Variants in BRINP3 observed in about 807,000 individuals in gnomAD.
BRINP3 encodes the protein BMP/retinoic acid inducible neural specific 3, also known as BMP/retinoic acid-inducible neural-specific protein 3.
BRINP3 carries 19 observed loss-of-function variants against 71.0 expected under a neutral mutation model. The observed-to-expected ratio is 0.27, with a 90% CI of 0.19 to 0.39. BRINP3 has a LOEUF of 0.39. BRINP3 is among the 10% of genes least tolerant of loss of function. The pLI is 1.00. For synonymous variants in BRINP3, 380 were observed against 337.7 expected, an observed-to-expected ratio of 1.13 and a Z score of -1.37; for missense variants, 959 against 940.8, an observed-to-expected ratio of 1.02 and a Z score of -0.25.
At chr1:190,222,188 A>G (rs1210428015) in intron 6 of BRINP3, among the ~76,000 whole-genome samples, 2 of 152,028 alleles carry the variant, frequency 1.3e-5, no homozygotes, top group East Asian at 3.9e-4. Flanking sequence ...GTCTGAATAA[A>G]TTAAAAAATA....
intron 1 of BRINP3, among the ~76,000 whole-genome samples, chr1:190,455,597 C>A (rs1409855450): frequency 6.6e-6 from 1 of 151,682 alleles, no homozygotes; most frequent in East Asian, 1.9e-4. Context: ...GGAGTAATGT[C>A]TTTTCCCAGA....
At chr1:190,282,935 G>A (rs1021282526) in intron 2 of BRINP3, among the ~76,000 whole-genome samples, 2 of 151,928 alleles carry the variant, frequency 1.3e-5, no homozygotes, top group African/African-American at 4.8e-5. Context: ...TAGGCAATAT[G>A]TGAAAAAATA....
At chr1:190,202,516 C>T (rs866999470) in intron 6 of BRINP3, among the ~76,000 whole-genome samples, 3 of 151,998 alleles carry the variant, frequency 2.0e-5, no homozygotes, top group East Asian at 1.9e-4. Context: ...TGAAGATACA[C>T]GATTTGGGAG....
Position 190,477,490 on chromosome 1 carries a change from A to C in BRINP3, c.-93T>G, listed in dbSNP as rs1156893110. 1.3e-5 allele frequency: 2 copies of C among 152,260 alleles called. No individual in the cohort carries two copies. Among genetic ancestry groups the C allele is most frequent in the Non-Finnish European group, 2.9e-5 (2 of 68,056 alleles). The allele number at this position is 152,260 out of a possible 1,614,324, so 9.4% of individuals were successfully genotyped here. A position where few individuals can be genotyped will look rare whatever the true frequency, so the allele number is the denominator to read the frequency against. Reference sequence around the variant, plus strand: ...AGCAAGAAGACTGTGAGAAAAATACATCCAGGATTCAAATAGATATTCCAT... The same window carrying C: ...AGCAAGAAGACTGTGAGAAAAATACCTCCAGGATTCAAATAGATATTCCAT... On this transcript the variant is annotated 5_prime_UTR_variant, in exon 1 of 8. It removes an upstream start codon present in the reference 5' UTR. Transcript: ENST00000367462.
intron 2 of BRINP3, among the ~76,000 whole-genome samples, chr1:190,437,752 T>C (rs1674559096): frequency 6.6e-6 from 1 of 151,780 alleles, no homozygotes; most frequent in Admixed American, 6.6e-5. Context: ...TGGTATATAT[T>C]TTAACTGTTA....
intron 6 of BRINP3, among the ~76,000 whole-genome samples, chr1:190,222,144 C>T (rs540521405): frequency 2.6e-5 from 4 of 152,006 alleles, no homozygotes; most frequent in Non-Finnish European, 4.4e-5. Context: ...ATGGAACATT[C>T]TTCAGAATAG....
At chr1:190,167,698 T>C (rs1168008551) in intron 6 of BRINP3, among the ~76,000 whole-genome samples, 1 of 152,122 alleles carries the variant, frequency 6.6e-6, no homozygotes, top group Non-Finnish European at 1.5e-5. Context: ...ACCTCGGAAC[T>C]GAAGGGTAGA....
At chr1:190,159,502 G>A (rs879832484) in intron 7 of BRINP3, among the ~76,000 whole-genome samples, 1 of 151,954 alleles carries the variant, frequency 6.6e-6, no homozygotes, top group African/African-American at 2.4e-5. Context: ...AACAATATGT[G>A]GTATACCCAT....
intron 4 of BRINP3, among the ~76,000 whole-genome samples, chr1:190,256,640 T>C (rs1354468570): frequency 2.0e-5 from 3 of 152,192 alleles, no homozygotes; most frequent in Non-Finnish European, 4.4e-5. Context: ...TTCCATTCCA[T>C]GTTTAGTGCT....
At chr1:190,418,344 C>G (rs1673139979) in intron 2 of BRINP3, among the ~76,000 whole-genome samples, 2 of 152,164 alleles carry the variant, frequency 1.3e-5, no homozygotes, top group Admixed American at 1.3e-4. Flanking sequence ...AGCCACTGCC[C>G]AGCCTTCTTA....
intron 1 of BRINP3, among the ~76,000 whole-genome samples, chr1:190,461,073 T>C (rs1042310001): frequency 5.3e-5 from 8 of 152,218 alleles, no homozygotes; most frequent in Admixed American, 6.5e-5. Context: ...AAGTTAAATC[T>C]GAACATGCAA....
chr1:190,252,112 T>A (rs1660203968), intron 4 of BRINP3, among the ~76,000 whole-genome samples: 1 of 152,036 alleles, frequency 6.6e-6, no homozygotes, highest in South Asian at 2.1e-4. Context: ...AGAACCTTTA[T>A]TACTGGCAGC....
intron 2 of BRINP3, among the ~76,000 whole-genome samples, chr1:190,332,831 G>T (rs1667054416): frequency 6.6e-6 from 1 of 151,912 alleles, no homozygotes; most frequent in Non-Finnish European, 1.5e-5. Flanking sequence ...TTTGTTTCCT[G>T]ATTTAGAAAG....
chr1:190,436,965 C>T (rs889750015), intron 2 of BRINP3, among the ~76,000 whole-genome samples: 3 of 151,668 alleles, frequency 2.0e-5, no homozygotes, highest in Non-Finnish European at 3.0e-5. Flanking sequence ...GATACATAAG[C>T]GATTACAATA....
At position 190,174,319 on chromosome 1, in the gene BRINP3, G is replaced by A. The variant is rs530204069; in HGVS notation, c.962-13429C>T. Among the ~76,000 whole-genome samples the A allele has an allele frequency of 8.5e-5, 13 of 152,092 alleles. No individual in the cohort carries two copies. In the East Asian group the frequency reaches 2.5e-3, roughly 29 times the overall value. ...ATTAATGTGTCTTATTTTCCACTATGTAGTTATTCTCTGTGGAAAGTAATA... is the reference window on the plus strand; with the variant it reads ...ATTAATGTGTCTTATTTTCCACTATATAGTTATTCTCTGTGGAAAGTAATA... On this transcript the variant is annotated intron_variant, in intron 6 of 7. Transcript: ENST00000367462.
Position 190,221,296 on chromosome 1 carries a change from T to C in BRINP3, c.961+4786A>G, listed in dbSNP as rs574709473. Reference sequence around the variant, plus strand: ...GGTGAGTGGAGTTAAAGTGTAAAATTTTTTGTGTGCTTTTTGTCTTTGTTG... The same window carrying C: ...GGTGAGTGGAGTTAAAGTGTAAAATCTTTTGTGTGCTTTTTGTCTTTGTTG... On this transcript the variant is annotated intron_variant, in intron 6 of 7. Coordinates refer to ENST00000367462, the MANE Select transcript of BRINP3 (RefSeq NM_199051.3). 2.0e-5 allele frequency among the ~76,000 whole-genome samples: 3 copies of C among 152,236 alleles called. No homozygotes were observed. The South Asian group carries it at 6.2e-4, about 32-fold the overall frequency.
chr1:190,437,977 G>T (rs558572084), intron 2 of BRINP3, among the ~76,000 whole-genome samples: 46 of 151,088 alleles, frequency 3.0e-4, no homozygotes, highest in Non-Finnish European at 8.9e-5. Context: ...AATATCAGTG[G>T]GTTATATTTA....
intron 2 of BRINP3, among the ~76,000 whole-genome samples, chr1:190,408,412 A>G (rs976477096): frequency 1.3e-5 from 2 of 151,954 alleles, no homozygotes; most frequent in Non-Finnish European, 2.9e-5. Context: ...TTTTTTTTCA[A>G]AACGATTTTC....
chr1:190,283,115 A>G (rs1312966634), intron 2 of BRINP3, among the ~76,000 whole-genome samples: 4 of 152,028 alleles, frequency 2.6e-5, no homozygotes, highest in African/African-American at 4.8e-5. Flanking sequence ...CACTAATTAT[A>G]TGATCAGAAT....
Sources: gnomAD v4.1 joint callset for allele counts (sites outside exome capture counted in the v4.1 genomes callset) on GRCh38, gnomAD v4.1.1 for gene constraint, MANE v1.5 for transcripts, NCBI Gene and HGNC (gene_info 2026-07-23, HGNC 2026-07-21) for gene names.